NSL1: variants seen among roughly 807,000 people sequenced by gnomAD.
The protein encoded by NSL1 is kinetochore-associated protein NSL1 homolog.
A neutral mutation model predicts 25.4 loss-of-function variants in NSL1; 11 were observed. That is an observed-to-expected ratio of 0.43 (90% CI 0.27 to 0.72). The LOEUF is 0.72. NSL1 is among the 30% of genes least tolerant of loss of function. NSL1 has a pLI of 0.19. For missense variants in NSL1, 330 were observed against 342.7 expected (o/e 0.96, Z 0.29); for synonymous variants, 118 against 120.6 (o/e 0.98, Z 0.14).
In NSL1 at chr1:212,735,240, T is replaced by C; in HGVS notation, c.*3168A>G. 1.2e-6 allele frequency: 1 copy of C among 864,338 alleles called. No homozygotes were observed. Among genetic ancestry groups the C allele is most frequent in the Non-Finnish European group, 1.4e-6 (1 of 719,862 alleles). The allele number at this position is 864,338 out of a possible 1,614,324, so 53.5% of individuals were successfully genotyped here. On this transcript the variant is annotated 3_prime_UTR_variant, in exon 6 of 6. Coordinates refer to ENST00000366977, the MANE Select transcript of NSL1 (RefSeq NM_015471.4). Reference sequence around the variant, plus strand: ...TCCAATATCATTGAACTAATAATGGTAGAACTGAAATCTGAACTCAGATGA... The same window carrying C: ...TCCAATATCATTGAACTAATAATGGCAGAACTGAAATCTGAACTCAGATGA...
chr1:212,777,965 G>A (rs1024080721), intron 4 of NSL1, among the ~76,000 whole-genome samples: 1 of 152,190 alleles, frequency 6.6e-6, no homozygotes, highest in Non-Finnish European at 1.5e-5. Context: ...CCTTCTAAGA[G>A]AGCATTTGTA....
In NSL1 at chr1:212,736,111, C is replaced by G; in HGVS notation, c.*2297G>C. 1 of 926,294 alleles carries G rather than the reference C, an allele frequency of 1.1e-6. No individual in the cohort carries two copies. Among genetic ancestry groups the G allele is most frequent in the Non-Finnish European group, 1.3e-6 (1 of 776,176 alleles). 57.4% of individuals were successfully genotyped at this position (926,294 alleles called of 1,614,324 possible). A position where few individuals can be genotyped will look rare whatever the true frequency, so the allele number is the denominator to read the frequency against. On this transcript the variant is annotated 3_prime_UTR_variant, in exon 6 of 6. Transcript: ENST00000366977. ...GGAGTACAGTGGTGCCATCCTGGCT[C>G]ACTGCAACTTCTGCCTCCAGGGCTC...
intron 4 of NSL1, among the ~76,000 whole-genome samples, chr1:212,767,501 T>C (rs1266318913): frequency 6.6e-6 from 1 of 152,156 alleles, no homozygotes; most frequent in East Asian, 1.9e-4. Flanking sequence ...CTTCTAAACA[T>C]TGGCTTAGGC....
intron 4 of NSL1, among the ~76,000 whole-genome samples, chr1:212,746,906 G>A (rs1204077276): frequency 6.6e-5 from 10 of 152,210 alleles, no homozygotes. Context: ...AACACTTTGG[G>A]AGGCTGAGGT....
intron 4 of NSL1, among the ~76,000 whole-genome samples, chr1:212,745,160 C>CAAACTATATATATA (rs1268799355): frequency 8.5e-6 from 1 of 117,704 alleles, no homozygotes; most frequent in Non-Finnish European, 1.6e-5. Flanking sequence ...AACAAACAAA[C>CAAACTATATATATA]TATATATATA....
At position 212,780,275 on chromosome 1, in the gene NSL1, T is replaced by C. The variant is rs1660662908; in HGVS notation, c.499+2097A>G. On this transcript the variant is annotated intron_variant, in intron 4 of 5. Coordinates refer to ENST00000366977, the MANE Select transcript of NSL1 (RefSeq NM_015471.4). ...TAAATGGATTAAGGGTGGTGCAAGA[T>C]GTGCTTTGTTAAACAGATGCTTGAA... is the stretch of plus-strand genomic sequence containing the variant. 3.3e-5 allele frequency among the ~76,000 whole-genome samples: 5 copies of C among 152,274 alleles called. No individual in the cohort carries two copies. In the South Asian group the frequency reaches 1.0e-3, roughly 32 times the overall value.
chr1:212,774,782 C>G (rs1326551804), intron 4 of NSL1, among the ~76,000 whole-genome samples: 1 of 152,172 alleles, frequency 6.6e-6, no homozygotes, highest in African/African-American at 2.4e-5. Flanking sequence ...TCCTCAAAAG[C>G]TACATAAAGA....
Position 212,735,961 on chromosome 1 carries a change from G to C in NSL1, c.*2447C>G, listed in dbSNP as rs565129114. The C allele has an allele frequency of 4.1e-6, 4 of 985,292 alleles. No homozygotes were observed. In the African/African-American group the frequency reaches 7.0e-5, roughly 17 times the overall value. 61.0% of individuals were successfully genotyped at this position (985,292 alleles called of 1,614,324 possible). On this transcript the variant is annotated 3_prime_UTR_variant, in exon 6 of 6. Coordinates refer to ENST00000366977, the MANE Select transcript of NSL1 (RefSeq NM_015471.4). ...ATAGTAGCCTAAATAAACAAATGTA[G>C]ATTTTGGTACCAGTTTTCAGAAACC... is the stretch of plus-strand genomic sequence containing the variant.
intron 4 of NSL1, among the ~76,000 whole-genome samples, chr1:212,768,050 C>T (rs549947063): frequency 1.1e-3 from 161 of 152,222 alleles, no homozygotes; most frequent in African/African-American, 3.5e-3. Flanking sequence ...CCGGGCACGG[C>T]GGCTCACACC....
At chr1:212,778,023 C>T (rs920526469) in intron 4 of NSL1, among the ~76,000 whole-genome samples, 8 of 152,092 alleles carry the variant, frequency 5.3e-5, no homozygotes, top group Non-Finnish European at 7.4e-5. Context: ...ATGACAATAA[C>T]AAAATGAAGA....
rs1657988516 is a variant in NSL1, at chr1:212,730,956, C to T, written c.*7452G>A. The T allele has an allele frequency of 6.1e-6, 6 of 985,214 alleles. No homozygotes were observed. Among genetic ancestry groups the T allele is most frequent in the African/African-American group, 1.7e-5 (1 of 57,204 alleles). The allele number at this position is 985,214 out of a possible 1,614,324, so 61.0% of individuals were successfully genotyped here. ...TTGCAATATGAACTCATTCATTCAA[C>T]GAATATTAGTTTACAGCCCATGGGC... On this transcript the variant is annotated 3_prime_UTR_variant, in exon 6 of 6. Coordinates refer to ENST00000366977, the MANE Select transcript of NSL1 (RefSeq NM_015471.4).
chr1:212,772,416 T>C (rs1049420306), intron 4 of NSL1, among the ~76,000 whole-genome samples: 5 of 152,022 alleles, frequency 3.3e-5, no homozygotes, highest in Non-Finnish European at 7.4e-5. Context: ...CCCTAGCACT[T>C]TGGGAGGCTG....
rs1003840206 is a variant in NSL1, at chr1:212,727,355, T to A, written c.*11053A>T. ...GCAGTAAGTCCTGGCACTCAGCACA[T>A]GGCAGGAAGGTCACTTAACCAGGGA... On this transcript the variant is annotated 3_prime_UTR_variant, in exon 6 of 6. Transcript: ENST00000366977. 4 of 985,298 alleles carry A rather than the reference T, an allele frequency of 4.1e-6. No individual in the cohort carries two copies. Among genetic ancestry groups the A allele is most frequent in the Non-Finnish European group, 4.8e-6 (4 of 829,938 alleles). 61.0% of individuals were successfully genotyped at this position (985,298 alleles called of 1,614,324 possible).
chr1:212,764,065 A>G (rs553070982), intron 4 of NSL1: 135 of 430,436 alleles, frequency 3.1e-4, no homozygotes, highest in Non-Finnish European at 5.4e-4. Flanking sequence ...GAAAATCAAA[A>G]TCCTATCAAG....
At chr1:212,751,683 CTAAG>C (rs1369672640) in intron 4 of NSL1, among the ~76,000 whole-genome samples, 1 of 148,826 alleles carries the variant, frequency 6.7e-6, no homozygotes, top group Non-Finnish European at 1.5e-5. Flanking sequence ...ACATTTAAAA[CTAAG>C]TAGCACCAAT....
intron 4 of NSL1, among the ~76,000 whole-genome samples, chr1:212,769,079 TAA>T (rs58889016): frequency 6.8e-4 from 90 of 132,068 alleles, no homozygotes; most frequent in African/African-American, 2.3e-3. Context: ...GGAGGAGGAA[TAA>T]AAAAAAAAAA....
At chr1:212,756,333 T>C (rs1433994235) in intron 4 of NSL1, among the ~76,000 whole-genome samples, 4 of 152,168 alleles carry the variant, frequency 2.6e-5, no homozygotes, top group Non-Finnish European at 5.9e-5. Context: ...TTGCCCTAGC[T>C]GGTCTCAAAC....
intron 4 of NSL1, among the ~76,000 whole-genome samples, chr1:212,780,632 C>T (rs1660695036): frequency 6.6e-6 from 1 of 151,764 alleles, no homozygotes; most frequent in Non-Finnish European, 1.5e-5. Flanking sequence ...CTGATTCAGA[C>T]TTTTAAGGCC....
chr1:212,771,610 C>T (rs1268407934), intron 4 of NSL1, among the ~76,000 whole-genome samples: 3 of 50,606 alleles, frequency 5.9e-5, no homozygotes, highest in East Asian at 5.0e-4. Context: ...AAAGACTCCA[C>T]CAAAAAAAAA....
Sources: gnomAD v4.1 joint callset for allele counts (sites outside exome capture counted in the v4.1 genomes callset) on GRCh38, gnomAD v4.1.1 for gene constraint, MANE v1.5 for transcripts, NCBI Gene and HGNC (gene_info 2026-07-23, HGNC 2026-07-21) for gene names.